The following CADM2 variants were observed in gnomAD, a reference collection of about 807,000 sequenced individuals.
CADM2 encodes immunoglobulin superfamily member 4D.
A neutral mutation model predicts 49.8 loss-of-function variants in CADM2; 12 were observed. The ratio of observed to expected loss-of-function variants is 0.24; its 90% CI spans 0.15 to 0.39. The LOEUF is 0.39. Among genes scored for constraint, CADM2 ranks in the 10% least tolerant of loss-of-function variants. The pLI is 1.00. For synonymous variants in CADM2, 214 were observed against 175.4 expected (o/e 1.22, Z -1.74); for missense variants, 378 against 492.3 (o/e 0.77, Z 2.20).
At chr3:85,041,213 G>A (rs1335681629) in intron 1 of CADM2, among the ~76,000 whole-genome samples, 10 of 151,886 alleles carry the variant, frequency 6.6e-5, no homozygotes, top group East Asian at 1.9e-4. Flanking sequence ...TCATGTGAAC[G>A]CCAAGTTGCT....
chr3:85,552,209 T>G lies in CADM2; in HGVS notation c.62-174313T>G, dbSNP rs1465505779. ...AGAACTGAAGCCTAAATATGATAATTGACTCATTAAAGATCAAACAATTAG... is the reference window on the plus strand; with the variant it reads ...AGAACTGAAGCCTAAATATGATAATGGACTCATTAAAGATCAAACAATTAG... On this transcript the variant is annotated intron_variant, in intron 1 of 9. Transcript: ENST00000383699. Among the ~76,000 whole-genome samples the G allele has an allele frequency of 3.3e-5, 5 of 152,234 alleles. No homozygotes were observed. In the East Asian group the frequency reaches 7.7e-4, roughly 24 times the overall value.
chr3:85,541,818 G>C (rs1417029409), intron 1 of CADM2, among the ~76,000 whole-genome samples: 2 of 141,346 alleles, frequency 1.4e-5, no homozygotes, highest in Non-Finnish European at 3.0e-5. Context: ...GTCAGAGACT[G>C]GCACAAAATA....
intron 1 of CADM2, among the ~76,000 whole-genome samples, chr3:85,384,080 A>T (rs1036085261): frequency 6.6e-6 from 1 of 152,170 alleles, no homozygotes; most frequent in African/African-American, 2.4e-5. Flanking sequence ...TCAAGGAAAT[A>T]ATACCAGTTT....
Position 84,959,550 on chromosome 3 carries a change from C to T in CADM2, c.-58C>T. ...AGCGGAGCCCTGCACTCTCGTGCCC[C>T]GCTCACCAGCATCTACTTGCCCCCT... is the stretch of plus-strand genomic sequence containing the variant. On this transcript the variant is annotated 5_prime_UTR_variant, in exon 1 of 10. Coordinates refer to ENST00000383699, the MANE Select transcript of CADM2 (RefSeq NM_001167675.2). The T allele has an allele frequency of 6.8e-6, 10 of 1,479,330 alleles. No homozygotes were observed. The highest frequency in any genetic ancestry group is 9.1e-6 in the Non-Finnish European group (10 of 1,094,628). 91.6% of individuals were successfully genotyped at this position (1,479,330 alleles called of 1,614,324 possible). A position where few individuals can be genotyped will look rare whatever the true frequency, so the allele number is the denominator to read the frequency against.
intron 2 of CADM2, among the ~76,000 whole-genome samples, chr3:85,732,758 T>C (rs1287828606): frequency 6.6e-6 from 1 of 152,194 alleles, no homozygotes; most frequent in Non-Finnish European, 1.5e-5. Context: ...CTGAGATAGG[T>C]ACCATTTTAT....
chr3:85,926,408 A>C (rs1719882029), intron 6 of CADM2, among the ~76,000 whole-genome samples: 1 of 152,080 alleles, frequency 6.6e-6, no homozygotes, highest in Non-Finnish European at 1.5e-5. Context: ...AGGGGATGAA[A>C]TTGTACTCAG....
chr3:85,056,526 A>C (rs567658108), intron 1 of CADM2, among the ~76,000 whole-genome samples: 2 of 152,214 alleles, frequency 1.3e-5, no homozygotes, highest in African/African-American at 4.8e-5. Flanking sequence ...CAGATATAAA[A>C]GATAGGGGCC....
chr3:85,495,098 G>A (rs1401656589), intron 1 of CADM2, among the ~76,000 whole-genome samples: 1 of 152,148 alleles, frequency 6.6e-6, no homozygotes, highest in African/African-American at 2.4e-5. Flanking sequence ...AGGTAAATCT[G>A]CAGGTGACAG....
intron 1 of CADM2, among the ~76,000 whole-genome samples, chr3:85,467,597 A>T (rs1055174454): frequency 2.0e-5 from 3 of 151,198 alleles, no homozygotes; most frequent in African/African-American, 7.4e-5. Context: ...GGACATAAAA[A>T]TTAAAAGGCT....
chr3:85,281,692 T>G (rs1409435109), intron 1 of CADM2, among the ~76,000 whole-genome samples: 1 of 152,148 alleles, frequency 6.6e-6, no homozygotes, highest in East Asian at 1.9e-4. Flanking sequence ...CATCAAATTA[T>G]TATTTGACTG....
intron 1 of CADM2, among the ~76,000 whole-genome samples, chr3:85,527,264 T>C (rs2061182114): frequency 1.3e-5 from 2 of 151,680 alleles, no homozygotes; most frequent in South Asian, 4.2e-4. Flanking sequence ...ATCATGTCTA[T>C]ACTTCCATCT....
intron 1 of CADM2, among the ~76,000 whole-genome samples, chr3:85,450,115 G>A (rs1576578342): frequency 6.6e-6 from 1 of 152,106 alleles, no homozygotes; most frequent in South Asian, 2.1e-4. Context: ...CGATGAAACC[G>A]AAACATCAAA....
intron 1 of CADM2, among the ~76,000 whole-genome samples, chr3:85,354,541 A>T (rs1002313341): frequency 6.6e-6 from 1 of 150,528 alleles, no homozygotes; most frequent in African/African-American, 2.4e-5. Flanking sequence ...AGAGGAAAGG[A>T]AATAAAGTGT....
chr3:85,352,292 A>G (rs964971904), intron 1 of CADM2, among the ~76,000 whole-genome samples: 2 of 152,180 alleles, frequency 1.3e-5, no homozygotes, highest in Non-Finnish European at 2.9e-5. Context: ...AGACAAACAC[A>G]TTTAGAAAAG....
chr3:85,262,011 CAG>C (rs1227888556), intron 1 of CADM2, among the ~76,000 whole-genome samples: 1 of 151,944 alleles, frequency 6.6e-6, no homozygotes, highest in Non-Finnish European at 1.5e-5. Flanking sequence ...AAAAATATGA[CAG>C]AAATTTCATT....
intron 1 of CADM2, among the ~76,000 whole-genome samples, chr3:85,187,515 A>G (rs2041093631): frequency 6.6e-6 from 1 of 152,116 alleles, no homozygotes; most frequent in Non-Finnish European, 1.5e-5. Flanking sequence ...ATATTAGATG[A>G]TATTATTCAC....
At chr3:84,998,290 G>T (rs2033278716) in intron 1 of CADM2, among the ~76,000 whole-genome samples, 2 of 152,174 alleles carry the variant, frequency 1.3e-5, no homozygotes, top group South Asian at 2.1e-4. Flanking sequence ...AGATAATTTT[G>T]CATTCATATT....
At chr3:85,938,061 C>A (rs542718092) in intron 7 of CADM2, among the ~76,000 whole-genome samples, 3 of 152,086 alleles carry the variant, frequency 2.0e-5, no homozygotes, top group South Asian at 2.1e-4. Context: ...GAATCAACTT[C>A]TTTGATGCCT....
At chr3:85,792,458 G>C (rs1366588648) in intron 2 of CADM2, among the ~76,000 whole-genome samples, 1 of 152,162 alleles carries the variant, frequency 6.6e-6, no homozygotes, top group Non-Finnish European at 1.5e-5. Flanking sequence ...AGGAACTAAA[G>C]AATAGTGAGA....
Sources: allele counts gnomAD v4.1 joint callset (sites outside exome capture counted in the v4.1 genomes callset), GRCh38; gene constraint gnomAD v4.1.1; transcripts MANE v1.5; gene names NCBI Gene and HGNC (gene_info 2026-07-23, HGNC 2026-07-21).